PLCB4: variants seen among roughly 807,000 people sequenced by gnomAD.
The protein encoded by PLCB4 is 1-phosphatidylinositol 4,5-bisphosphate phosphodiesterase beta-4.
PLCB4 carries 77 observed loss-of-function variants against 178.8 expected under a neutral mutation model. The ratio of observed to expected loss-of-function variants is 0.43; its 90% CI spans 0.36 to 0.52. The LOEUF is 0.52. Ranked by LOEUF, PLCB4 falls within the 20% of genes least tolerant of loss-of-function variation. PLCB4 has a pLI of 0.00. For synonymous variants in PLCB4, 496 were observed against 490.8 expected, an observed-to-expected ratio of 1.01 and a Z score of -0.14; for missense variants, 1,024 against 1,453.4, an observed-to-expected ratio of 0.70 and a Z score of 4.80.
chr20:9,115,920 A>G (rs1405335251), intron 2 of PLCB4, among the ~76,000 whole-genome samples: 1 of 152,014 alleles, frequency 6.6e-6, no homozygotes, highest in Middle Eastern at 3.2e-3. Flanking sequence ...TCAAACATTA[A>G]ACACCATTTT....
At chr20:9,079,034 T>C (rs1031140193) in intron 1 of PLCB4, among the ~76,000 whole-genome samples, 1 of 152,232 alleles carries the variant, frequency 6.6e-6, no homozygotes, top group African/African-American at 2.4e-5. Flanking sequence ...ACACTGTGAA[T>C]TGTAGAAATA....
intron 32 of PLCB4, among the ~76,000 whole-genome samples, chr20:9,452,937 A>T (rs957796338): frequency 3.3e-5 from 5 of 152,240 alleles, no homozygotes; most frequent in African/African-American, 1.2e-4. Context: ...CAAGAGAAGA[A>T]ACATGGTGGC....
chr20:9,134,805 A>G (rs1354026319), intron 2 of PLCB4, among the ~76,000 whole-genome samples: 1 of 152,084 alleles, frequency 6.6e-6, no homozygotes, highest in Non-Finnish European at 1.5e-5. Context: ...AATTTATTCT[A>G]CTCATCTTCC....
At chr20:9,382,069 G>T (rs575920590) in intron 13 of PLCB4, among the ~76,000 whole-genome samples, 2 of 152,178 alleles carry the variant, frequency 1.3e-5, no homozygotes, top group Middle Eastern at 3.4e-3. Context: ...AACATATTTC[G>T]ATCCTTCCTA....
At chr20:9,089,277 T>A (rs1393147074) in intron 1 of PLCB4, among the ~76,000 whole-genome samples, 1 of 152,000 alleles carries the variant, frequency 6.6e-6, no homozygotes, top group Non-Finnish European at 1.5e-5. Flanking sequence ...TATTAACATG[T>A]GCTTTATCCT....
chr20:9,211,244 C>T (rs915362090), intron 2 of PLCB4, among the ~76,000 whole-genome samples: 1 of 152,182 alleles, frequency 6.6e-6, no homozygotes, highest in Non-Finnish European at 1.5e-5. Flanking sequence ...ACACCGCCTG[C>T]ATTTTACAGA....
chr20:9,149,349 C>T (rs994199), intron 2 of PLCB4, among the ~76,000 whole-genome samples: 58,082 of 152,076 alleles, frequency 0.38, 12,421 homozygotes, highest in Middle Eastern at 0.49. Context: ...TCCTCAGTTG[C>T]TAGTCTCTGG....
chr20:9,239,467 C>T (rs144961146), intron 3 of PLCB4, among the ~76,000 whole-genome samples: 5 of 152,064 alleles, frequency 3.3e-5, no homozygotes, highest in East Asian at 1.9e-4. Context: ...AAGAGAAAAA[C>T]GTAACAAATT....
intron 4 of PLCB4, among the ~76,000 whole-genome samples, chr20:9,329,786 G>A (rs2031358701): frequency 6.6e-6 from 1 of 152,162 alleles, no homozygotes; most frequent in Non-Finnish European, 1.5e-5. Flanking sequence ...CTCCTCATGT[G>A]GAATGTGAGC....
intron 3 of PLCB4, among the ~76,000 whole-genome samples, chr20:9,290,691 A>G (rs1014039078): frequency 6.6e-6 from 1 of 152,152 alleles, no homozygotes; most frequent in Non-Finnish European, 1.5e-5. Flanking sequence ...AAGACACAAT[A>G]GTAATGCATT....
At chr20:9,076,386 G>A (rs146485273) in intron 1 of PLCB4, among the ~76,000 whole-genome samples, 1,717 of 152,220 alleles carry the variant, frequency 0.011, 39 homozygotes, top group African/African-American at 0.039. Flanking sequence ...AGAATTGCTC[G>A]AACCTCGGAG....
chr20:9,234,508 G>A (rs2093971176), intron 3 of PLCB4, among the ~76,000 whole-genome samples: 1 of 152,072 alleles, frequency 6.6e-6, no homozygotes. Flanking sequence ...GGAAAAACTT[G>A]GAGATTGTAG....
In PLCB4 at chr20:9,355,928, T is replaced by C. The variant is rs28498628; in HGVS notation, c.370-6968T>C. 9.7e-3 allele frequency among the ~76,000 whole-genome samples: 1,482 copies of C among 152,326 alleles called. 22 individuals carry two copies. The highest frequency in any genetic ancestry group is 0.032 in the African/African-American group (1,332 of 41,566). On this transcript the variant is annotated intron_variant, in intron 7 of 39. Transcript: ENST00000378473. ...AGTCCCACCAACAGTGCAAAAGTGT[T>C]CCCACCCCTCCACATCCTCTCCAGC...
chr20:9,137,194 G>T (rs1454863742), intron 2 of PLCB4, among the ~76,000 whole-genome samples: 1 of 152,018 alleles, frequency 6.6e-6, no homozygotes, highest in African/African-American at 2.4e-5. Context: ...CCCACACCTG[G>T]TAAATAACCT....
rs2044738376 is a variant in PLCB4 at position 9,479,003 on chromosome 20, A to G, written c.3615A>G (p.Ala1205=). ...ACAGTAGTATGAAACTCCAAAATGC[A>G]AACTGAAGCAGCAAACCCACAAAGC... ...TSNSSMKLQN[A]N The change falls in exon 40 of 40, where the codon GCA becomes GCG. Residue 1205 remains alanine (A), a synonymous_variant. Transcript: ENST00000378473. 1 of 1,611,562 alleles carries G rather than the reference A, an allele frequency of 6.2e-7. No individual in the cohort carries two copies. Among genetic ancestry groups the G allele is most frequent in the Non-Finnish European group, 8.5e-7 (1 of 1,177,890 alleles).
chr20:9,281,955 C>T (rs2094498077), intron 3 of PLCB4, among the ~76,000 whole-genome samples: 1 of 151,898 alleles, frequency 6.6e-6, no homozygotes, highest in Admixed American at 6.6e-5. Flanking sequence ...TTGTACATGG[C>T]TAGTATACAG....
At chr20:9,219,463 C>T (rs114480608) in intron 3 of PLCB4, among the ~76,000 whole-genome samples, 1,778 of 150,870 alleles carry the variant, frequency 0.012, 42 homozygotes, top group African/African-American at 0.041. Flanking sequence ...AGGGAGACTC[C>T]GAAAAAAAAA....
intron 1 of PLCB4, among the ~76,000 whole-genome samples, chr20:9,094,517 C>T (rs1397456315): frequency 6.6e-6 from 1 of 151,942 alleles, no homozygotes; most frequent in African/African-American, 2.4e-5. Flanking sequence ...ATCAAATGAA[C>T]ATTTAAAAAA....
intron 2 of PLCB4, among the ~76,000 whole-genome samples, chr20:9,167,842 A>G (rs1269620240): frequency 6.6e-6 from 1 of 152,242 alleles, no homozygotes; most frequent in Non-Finnish European, 1.5e-5. Context: ...TTATGAAACA[A>G]ACGGTGAAAC....
Sources: gnomAD v4.1 joint callset for allele counts (sites outside exome capture counted in the v4.1 genomes callset) on GRCh38, gnomAD v4.1.1 for gene constraint, MANE v1.5 for transcripts, NCBI Gene and HGNC (gene_info 2026-07-23, HGNC 2026-07-21) for gene names.